Variants in TAFA2 observed in about 807,000 individuals in gnomAD.
TAFA2 encodes chemokine-like protein TAFA-2.
In TAFA2, 7 loss-of-function variants were observed where a neutral mutation model predicts 18.8. That is an observed-to-expected ratio of 0.37 (90% CI 0.21 to 0.70). TAFA2 has a LOEUF of 0.70. Ranked by LOEUF, TAFA2 falls within the 30% of genes least tolerant of loss-of-function variation. The pLI is 0.53. For synonymous variants in TAFA2, 60 were observed against 54.2 expected, an observed-to-expected ratio of 1.11 and a Z score of -0.47; for missense variants, 122 against 158.1, an observed-to-expected ratio of 0.77 and a Z score of 1.23.
At chr12:62,223,214 A>G (rs1187020527) in intron 1 of TAFA2, among the ~76,000 whole-genome samples, 1 of 152,192 alleles carries the variant, frequency 6.6e-6, no homozygotes. Context: ...TTTGTCACCC[A>G]GGCTGGAATG....
chr12:61,965,548 G>A (rs1274736339), intron 1 of TAFA2, among the ~76,000 whole-genome samples: 3 of 151,918 alleles, frequency 2.0e-5, no homozygotes, highest in Non-Finnish European at 2.9e-5. Flanking sequence ...TGTCTTAAAA[G>A]AAAAGTGATG....
intron 2 of TAFA2, among the ~76,000 whole-genome samples, chr12:61,850,452 G>A (rs1873595656): frequency 6.6e-6 from 1 of 151,558 alleles, no homozygotes; most frequent in African/African-American, 2.4e-5. Flanking sequence ...CTAAATACCT[G>A]GAAACAAATA....
intron 1 of TAFA2, among the ~76,000 whole-genome samples, chr12:62,221,145 GGGAAGGGAAA>G (rs1257696386): frequency 8.6e-5 from 12 of 139,050 alleles, no homozygotes; most frequent in Non-Finnish European, 1.7e-4. Context: ...CACAAGGGAA[GGGAAGGGAAA>G]GGAAGGGAAA....
At chr12:62,194,820 G>C (rs1289208155), upstream of TAFA2, among the ~76,000 whole-genome samples, 1 of 152,178 alleles carries the variant, frequency 6.6e-6, no homozygotes, top group Non-Finnish European at 1.5e-5. Context: ...TTGCAATAAA[G>C]TGAGTCACAC....
chr12:61,831,447 T>A (rs977786397), intron 2 of TAFA2, among the ~76,000 whole-genome samples: 2 of 152,066 alleles, frequency 1.3e-5, no homozygotes, highest in Admixed American at 1.3e-4. Context: ...ACTGATCAAA[T>A]CAAAGCTACT....
intron 1 of TAFA2, among the ~76,000 whole-genome samples, chr12:62,010,164 C>T (rs1347160408): frequency 6.8e-6 from 1 of 147,974 alleles, no homozygotes. Context: ...TCCCCCTCCC[C>T]CTCCCCCTCC....
At chr12:62,147,266 A>ATG (rs1034125276) in intron 1 of TAFA2, among the ~76,000 whole-genome samples, 2 of 145,312 alleles carry the variant, frequency 1.4e-5, no homozygotes, top group Non-Finnish European at 1.5e-5. Context: ...GTGTATATAT[A>ATG]TGTGTGTGTG....
intron 4 of TAFA2, among the ~76,000 whole-genome samples, chr12:61,743,896 G>T (rs1028822562): frequency 2.0e-5 from 3 of 152,080 alleles, no homozygotes; most frequent in Non-Finnish European, 4.4e-5. Context: ...TAGGAGGTTT[G>T]CCACTCACAG....
intron 1 of TAFA2, among the ~76,000 whole-genome samples, chr12:62,147,524 T>G (rs1210276324): frequency 1.3e-5 from 2 of 149,434 alleles, no homozygotes; most frequent in African/African-American, 4.9e-5. Context: ...GGTCAGGAGA[T>G]CAAGACCATC....
chr12:62,031,263 T>C (rs889629418), intron 1 of TAFA2, among the ~76,000 whole-genome samples: 2 of 152,106 alleles, frequency 1.3e-5, no homozygotes, highest in Non-Finnish European at 1.5e-5. Flanking sequence ...AAACTACTAG[T>C]GCAGAAAGAA....
chr12:61,839,499 C>G (rs1873082388), intron 2 of TAFA2, among the ~76,000 whole-genome samples: 1 of 152,078 alleles, frequency 6.6e-6, no homozygotes, highest in East Asian at 1.9e-4. Context: ...GGGAATCAAT[C>G]TAGGTGCCCA....
rs1301125177 is a variant in TAFA2, at chr12:62,256,949, G to T, written c.-130+1814C>A. Among the ~76,000 whole-genome samples the T allele has an allele frequency of 2.6e-5, 4 of 152,218 alleles. No homozygotes were observed. The East Asian group carries it at 7.7e-4, about 29-fold the overall frequency. On this transcript the variant is annotated intron_variant, in intron 1 of 5. Coordinates refer to the TAFA2 transcript ENST00000551619. ...AAGATAAAAGAATGAAAGGTTTAGA[G>T]AGGTGAGTAAGAATGAGGGGGTGGT...
intron 1 of TAFA2, among the ~76,000 whole-genome samples, chr12:62,022,903 C>G (rs1199016308): frequency 6.6e-6 from 1 of 152,184 alleles, no homozygotes; most frequent in Non-Finnish European, 1.5e-5. Context: ...ATGAGGGGAG[C>G]AACCATACCA....
Position 61,739,577 on chromosome 12 carries a change from C to T in TAFA2, c.384+14045G>A, listed in dbSNP as rs541245138. 1.1e-4 allele frequency among the ~76,000 whole-genome samples: 17 copies of T among 152,072 alleles called. No individual in the cohort carries two copies. The South Asian group carries it at 2.5e-3, about 22-fold the overall frequency. ...TGAATAGGATCTCCTTAGACCATTA[C>T]GTAGGTACAACGTGAATTATTTTAA... On this transcript the variant is annotated intron_variant, in intron 4 of 4. Coordinates refer to ENST00000416284, the MANE Select transcript of TAFA2 (RefSeq NM_178539.5).
intron 1 of TAFA2, among the ~76,000 whole-genome samples, chr12:61,985,910 TG>T (rs1429451480): frequency 6.6e-6 from 1 of 152,172 alleles, no homozygotes; most frequent in African/African-American, 2.4e-5. Flanking sequence ...CATTTTTTAA[TG>T]GGGCAGGCAT....
chr12:62,146,477 T>C (rs968871775), intron 1 of TAFA2, among the ~76,000 whole-genome samples: 4 of 152,036 alleles, frequency 2.6e-5, no homozygotes, highest in Non-Finnish European at 4.4e-5. Context: ...AGAGACTGTT[T>C]CATCATGTTG....
At chr12:62,159,982 T>C (rs2062395873) in intron 1 of TAFA2, among the ~76,000 whole-genome samples, 1 of 152,216 alleles carries the variant, frequency 6.6e-6, no homozygotes, top group East Asian at 1.9e-4. Context: ...TGCTACTCTA[T>C]GTATTTTAGC....
chr12:62,061,559 G>A (rs906673934), intron 1 of TAFA2, among the ~76,000 whole-genome samples: 4 of 152,056 alleles, frequency 2.6e-5, no homozygotes, highest in East Asian at 3.9e-4. Context: ...TGCTACCATC[G>A]GGTAATGAAA....
chr12:61,756,085 A>G (rs567761056), intron 2 of TAFA2, among the ~76,000 whole-genome samples: 1 of 152,212 alleles, frequency 6.6e-6, no homozygotes, highest in South Asian at 2.1e-4. Flanking sequence ...ATACATTTAT[A>G]TTAATCTTCC....
Sources: gnomAD v4.1 joint callset for allele counts (sites outside exome capture counted in the v4.1 genomes callset) on GRCh38, gnomAD v4.1.1 for gene constraint, MANE v1.5 for transcripts, NCBI Gene and HGNC (gene_info 2026-07-23, HGNC 2026-07-21) for gene names.